Variants in CHIC2 observed in about 807,000 individuals in gnomAD.
The protein encoded by CHIC2 is cysteine rich hydrophobic domain 2, also known as cysteine-rich hydrophobic domain-containing protein 2.
Under a neutral mutation model 25.9 loss-of-function variants are expected in CHIC2, and 14 were observed. The ratio of observed to expected loss-of-function variants is 0.54; its 90% CI spans 0.36 to 0.85. CHIC2 has a LOEUF of 0.85. Among genes scored for constraint, CHIC2 ranks in the 40% least tolerant of loss-of-function variants. The probability of loss-of-function intolerance (pLI) is 0.01; values close to 1 mark genes in which losing one functional copy is unlikely to be tolerated. For missense variants in CHIC2, 146 were observed against 202.0 expected (o/e 0.72, Z 1.68); for synonymous variants, 70 against 72.0 (o/e 0.97, Z 0.14).
chr4:54,021,327 C>T (rs545448063), intron 3 of CHIC2, among the ~76,000 whole-genome samples: 69 of 152,244 alleles, frequency 4.5e-4, no homozygotes, highest in Non-Finnish European at 7.1e-4. Flanking sequence ...AGTCTCTGCT[C>T]CCAATGCGAC....
chr4:54,071,635 T>C, the CHIC2 span, among the ~76,000 whole-genome samples: 4,698 of 152,296 alleles, frequency 0.031, 242 homozygotes, highest in African/African-American at 0.11. Flanking sequence ...TACATCAGTC[T>C]TCCTAACACC....
chr4:54,070,390 TTATTTATTTATTTATTTATG>T, the CHIC2 span, among the ~76,000 whole-genome samples: 62 of 136,986 alleles, frequency 4.5e-4, no homozygotes, highest in South Asian at 0.012. Context: ...TATTATTTAT[TTATTTATTTATTTATTTATG>T]TATTTATGTA....
chr4:54,076,181 T>TG, the CHIC2 span, among the ~76,000 whole-genome samples: 2 of 151,960 alleles, frequency 1.3e-5, no homozygotes, highest in South Asian at 4.2e-4. Flanking sequence ...CCCAGTTATT[T>TG]GGGGGGCTCA....
chr4:54,015,012 T>C (rs184569360), intron 3 of CHIC2, among the ~76,000 whole-genome samples: 336 of 152,222 alleles, frequency 2.2e-3, no homozygotes, highest in African/African-American at 7.7e-3. Context: ...ATATGAAAAT[T>C]TGCGTGTCAA....
chr4:54,025,044 C>G (rs1016714633), intron 3 of CHIC2, among the ~76,000 whole-genome samples: 16 of 151,922 alleles, frequency 1.1e-4, no homozygotes, highest in African/African-American at 3.4e-4. Context: ...ACCCGCCCCC[C>G]CAAAATTTTT....
chr4:54,036,060 CA>C (rs1164381808), intron 3 of CHIC2, among the ~76,000 whole-genome samples: 2 of 152,080 alleles, frequency 1.3e-5, no homozygotes, highest in Non-Finnish European at 2.9e-5. Context: ...TCAGATAACC[CA>C]CTTTGTATGT....
rs188364014 is a variant in CHIC2, at chr4:54,020,356, C to T, written c.331-6237G>A. Among the ~76,000 whole-genome samples the T allele has an allele frequency of 5.0e-3, 762 of 152,286 alleles. 8 individuals are homozygous for T. The highest frequency in any genetic ancestry group is 0.017 in the African/African-American group (717 of 41,556). On this transcript the variant is annotated intron_variant, in intron 3 of 5. Transcript: ENST00000263921. ...CACAAAACACCACTCCTAACTCCAC[C>T]GCCTATCCCAAAACCTGTAAGAACT...
At chr4:54,064,722 C>T, upstream of CHIC2, 1 of 903,426 alleles carries the variant, frequency 1.1e-6, no homozygotes, top group South Asian at 5.1e-5. The surrounding 1 kb of genome is among the most constrained non-coding windows in gnomAD (Gnocchi z 4.2). Flanking sequence ...GACTGGCTGG[C>T]GGGCGGGCGG....
At chr4:54,015,860 C>A (rs972809705) in intron 3 of CHIC2, among the ~76,000 whole-genome samples, 3 of 152,216 alleles carry the variant, frequency 2.0e-5, no homozygotes, top group Non-Finnish European at 2.9e-5. Context: ...CAAACCGCCT[C>A]TCAGGTCTAT....
intron 3 of CHIC2, among the ~76,000 whole-genome samples, chr4:54,036,977 G>C (rs1022286169): frequency 4.6e-5 from 7 of 151,990 alleles, no homozygotes; most frequent in African/African-American, 1.7e-4. Flanking sequence ...AAACAAATGT[G>C]GCATATCCAT....
At chr4:54,023,803 A>C (rs1376268236) in intron 3 of CHIC2, among the ~76,000 whole-genome samples, 1 of 152,208 alleles carries the variant, frequency 6.6e-6, no homozygotes. Flanking sequence ...ATCAATATCT[A>C]TACTGACTCG....
intron 1 of CHIC2, among the ~76,000 whole-genome samples, chr4:54,057,632 T>G (rs756147335): frequency 2.0e-5 from 3 of 152,206 alleles, no homozygotes; most frequent in African/African-American, 7.2e-5. Context: ...GGGCAGAAAC[T>G]ATGTGTGTTT....
At chr4:54,037,815 C>G (rs1055193818) in intron 3 of CHIC2, among the ~76,000 whole-genome samples, 1 of 151,876 alleles carries the variant, frequency 6.6e-6, no homozygotes. Context: ...ATCCATGACT[C>G]AGAGAGAAAA....
chr4:54,039,587 G>A (rs1716501437), intron 3 of CHIC2, among the ~76,000 whole-genome samples: 1 of 152,180 alleles, frequency 6.6e-6, no homozygotes, highest in Non-Finnish European at 1.5e-5. Flanking sequence ...AGGATGCTAA[G>A]CAACTGGATC....
the CHIC2 span, among the ~76,000 whole-genome samples, chr4:54,072,798 C>G: frequency 6.6e-6 from 1 of 152,092 alleles, no homozygotes; most frequent in Non-Finnish European, 1.5e-5. Flanking sequence ...CGCGTCTGGG[C>G]GTGGTGGCTC....
At chr4:54,013,158 TTTCTA>T (rs1715641755) in intron 5 of CHIC2, among the ~76,000 whole-genome samples, 1 of 152,122 alleles carries the variant, frequency 6.6e-6, no homozygotes, top group Non-Finnish European at 1.5e-5. Flanking sequence ...AATTCTTAAT[TTTCTA>T]GAGTATTCTG....
At chr4:54,025,669 A>T (rs1341905654) in intron 3 of CHIC2, among the ~76,000 whole-genome samples, 1 of 151,872 alleles carries the variant, frequency 6.6e-6, no homozygotes, top group Non-Finnish European at 1.5e-5. Flanking sequence ...GACCAGCCTG[A>T]GCAACATGGT....
the CHIC2 span, among the ~76,000 whole-genome samples, chr4:54,075,799 C>T: frequency 5.9e-5 from 9 of 152,116 alleles, no homozygotes; most frequent in Admixed American, 2.0e-4. Flanking sequence ...AGGCCCGCCT[C>T]GGCCTCCCAA....
chr4:54,084,983 C>CAAAAAAAAAAAAAAAAAAAAAAAAAG, the CHIC2 span, among the ~76,000 whole-genome samples: 1 of 106,762 alleles, frequency 9.4e-6, no homozygotes, highest in Non-Finnish European at 2.0e-5. Context: ...AAAAAAAAAT[C>CAAAAAAAAAAAAAAAAAAAAAAAAAG]AAACAGGTAG....
Sources: gnomAD v4.1 joint callset for allele counts (sites outside exome capture counted in the v4.1 genomes callset) on GRCh38, gnomAD v4.1.1 for gene constraint, Gnocchi (gnomAD v3.1) non-coding constraint, MANE v1.5 for transcripts, NCBI Gene and HGNC (gene_info 2026-07-23, HGNC 2026-07-21) for gene names.